The following FGF14 variants were observed in gnomAD, a reference collection of about 807,000 sequenced individuals.
FGF14 encodes the protein fibroblast growth factor homologous factor 4.
In FGF14, 5 loss-of-function variants were observed where a neutral mutation model predicts 25.5. That is an observed-to-expected ratio of 0.20 (90% CI 0.10 to 0.41). FGF14 has a LOEUF of 0.41. FGF14 is among the 10% of genes least tolerant of loss of function. The pLI is 1.00. For missense variants in FGF14, 222 were observed against 320.1 expected (o/e 0.69, Z 2.34); for synonymous variants, 138 against 118.3 (o/e 1.17, Z -1.08).
At chr13:102,018,612 G>C (rs1174622985) in intron 1 of FGF14, among the ~76,000 whole-genome samples, 2 of 150,976 alleles carry the variant, frequency 1.3e-5, no homozygotes, top group African/African-American at 4.9e-5. Flanking sequence ...TTCCTTCTCT[G>C]GCCCTGAGGT....
At chr13:101,822,251 T>C (rs2042189671) in intron 3 of FGF14, among the ~76,000 whole-genome samples, 1 of 152,178 alleles carries the variant, frequency 6.6e-6, no homozygotes, top group Non-Finnish European at 1.5e-5. Flanking sequence ...TAAGCACCTT[T>C]TTATGGAAAA....
intron 1 of FGF14, among the ~76,000 whole-genome samples, chr13:102,331,398 C>T (rs975886838): frequency 6.6e-6 from 1 of 152,132 alleles, no homozygotes; most frequent in Non-Finnish European, 1.5e-5. Flanking sequence ...CACATGTGTG[C>T]ATCATCAGCT....
intron 1 of FGF14, chr13:102,300,157 T>C (rs1359977487): frequency 2.6e-5 from 4 of 152,166 alleles, no homozygotes; most frequent in Admixed American, 2.0e-4. Flanking sequence ...TAGAATCAAC[T>C]ATATACCTAA....
At chr13:101,946,456 C>T (rs1269717480) in intron 1 of FGF14, among the ~76,000 whole-genome samples, 1 of 151,148 alleles carries the variant, frequency 6.6e-6, no homozygotes, top group East Asian at 1.9e-4. Context: ...ATCAAACTGT[C>T]TTAAACAATA....
In FGF14 at chr13:101,717,653, G is replaced by A. The variant is rs2034776038; in HGVS notation, c.*5178C>T. The A allele has an allele frequency of 6.7e-6, 1 of 149,854 alleles. No homozygotes were observed. Among genetic ancestry groups the A allele is most frequent in the African/African-American group, 2.4e-5 (1 of 41,330 alleles). The allele number at this position is 149,854 out of a possible 1,614,324, so 9.3% of individuals were successfully genotyped here. ...AACTTTACGGACCACGTACGTCCCT[G>A]TCTCATATTCTTCTTTGTTGGTTTC... On this transcript the variant is annotated 3_prime_UTR_variant, in exon 5 of 5. Coordinates refer to ENST00000376143, the MANE Select transcript of FGF14 (RefSeq NM_004115.4).
intron 1 of FGF14, among the ~76,000 whole-genome samples, chr13:102,365,850 T>C (rs1213656571): frequency 6.6e-6 from 1 of 152,210 alleles, no homozygotes; most frequent in Non-Finnish European, 1.5e-5. Flanking sequence ...ACAAAATTTG[T>C]ATATGTGAAT....
At chr13:102,210,516 A>G (rs2050112810) in intron 1 of FGF14, among the ~76,000 whole-genome samples, 2 of 152,160 alleles carry the variant, frequency 1.3e-5, no homozygotes, top group African/African-American at 4.8e-5. Flanking sequence ...AAAAATGTGC[A>G]AGGGGACAGA....
At chr13:102,276,819 CAA>C (rs1164173701) in intron 1 of FGF14, among the ~76,000 whole-genome samples, 1 of 152,050 alleles carries the variant, frequency 6.6e-6, no homozygotes. Flanking sequence ...GTAAATTATG[CAA>C]AGAGTTAGAG....
chr13:102,105,766 T>C (rs1265818905), intron 1 of FGF14, among the ~76,000 whole-genome samples: 1 of 152,208 alleles, frequency 6.6e-6, no homozygotes, highest in East Asian at 1.9e-4. Flanking sequence ...CTGCCTGTCA[T>C]TTTGTAAACT....
intron 3 of FGF14, among the ~76,000 whole-genome samples, chr13:101,768,112 T>A (rs1375119235): frequency 6.6e-6 from 1 of 152,036 alleles, no homozygotes; most frequent in African/African-American, 2.4e-5. Context: ...AATCTCTAAC[T>A]GTACATAAGA....
intron 1 of FGF14, among the ~76,000 whole-genome samples, chr13:102,116,368 G>A (rs492174): frequency 0.53 from 80,660 of 151,812 alleles, 22,798 homozygotes; most frequent in East Asian, 0.75. Context: ...GTGTGTGTGC[G>A]TAGTATAGTG....
Position 102,275,282 on chromosome 13 carries a change from C to CTCTCTCTCTA in FGF14, c.208+126188_208+126189insTAGAGAGAGA, listed in dbSNP as rs1184449210. ...TCTCTTTCTCTCTCTCTCTCTCTCT[C>CTCTCTCTCTA]TCTCTGCCACTCTAAAATTCCAAAG... On this transcript the variant is annotated intron_variant, in intron 1 of 4. Coordinates refer to the FGF14 transcript ENST00000376131. Among the ~76,000 whole-genome samples the CTCTCTCTCTA allele has an allele frequency of 1.2e-4, 18 of 148,268 alleles. 1 individual carries two copies. Among genetic ancestry groups the CTCTCTCTCTA allele is most frequent in the African/African-American group, 4.5e-4 (18 of 40,164 alleles).
At chr13:101,836,956 A>G (rs2042954040) in intron 3 of FGF14, among the ~76,000 whole-genome samples, 1 of 152,078 alleles carries the variant, frequency 6.6e-6, no homozygotes. Flanking sequence ...TTTAATTAGA[A>G]TTGATAGCTG....
chr13:102,070,480 CA>C (rs1443307300), intron 1 of FGF14, among the ~76,000 whole-genome samples: 1 of 152,046 alleles, frequency 6.6e-6, no homozygotes, highest in African/African-American at 2.4e-5. Context: ...GGAGGTTCCT[CA>C]AAAAACTAAA....
chr13:102,364,661 A>G (rs935007168), intron 1 of FGF14, among the ~76,000 whole-genome samples: 3 of 152,252 alleles, frequency 2.0e-5, no homozygotes, highest in Non-Finnish European at 4.4e-5. Context: ...ACAATGGCAG[A>G]GACAGACCTT....
chr13:102,083,704 A>G (rs1031567500), intron 1 of FGF14, among the ~76,000 whole-genome samples: 1 of 152,218 alleles, frequency 6.6e-6, no homozygotes, highest in African/African-American at 2.4e-5. Flanking sequence ...TGCATTTGCA[A>G]TCTCCCTAGA....
intron 3 of FGF14, among the ~76,000 whole-genome samples, chr13:101,738,478 C>T (rs188366579): frequency 2.2e-4 from 34 of 152,238 alleles, no homozygotes; most frequent in East Asian, 2.1e-3. Flanking sequence ...GGGAACACAT[C>T]GGCCATGAGT....
intron 1 of FGF14, among the ~76,000 whole-genome samples, chr13:102,176,621 A>G (rs949218537): frequency 2.6e-5 from 4 of 152,160 alleles, no homozygotes; most frequent in Non-Finnish European, 4.4e-5. Flanking sequence ...CAAAATGAGT[A>G]AGTTCATGAG....
intron 1 of FGF14, among the ~76,000 whole-genome samples, chr13:102,054,844 A>C (rs932734869): frequency 6.6e-6 from 1 of 152,168 alleles, no homozygotes; most frequent in Admixed American, 6.5e-5. Context: ...ATTCATCCCC[A>C]ATATGAAACC....
Sources: gnomAD v4.1 joint callset for allele counts (sites outside exome capture counted in the v4.1 genomes callset) on GRCh38, gnomAD v4.1.1 for gene constraint, MANE v1.5 for transcripts, NCBI Gene and HGNC (gene_info 2026-07-23, HGNC 2026-07-21) for gene names.